Variants in ELMO1 observed in about 807,000 individuals in gnomAD.
ELMO1 encodes the protein engulfment and cell motility 1.
ELMO1 carries 26 observed loss-of-function variants against 98.9 expected under a neutral mutation model. The observed-to-expected ratio is 0.26, with a 90% confidence interval of 0.19 to 0.36. The LOEUF (loss-of-function observed/expected upper bound fraction) is 0.36. Among genes scored for constraint, ELMO1 ranks in the 10% least tolerant of loss-of-function variants. ELMO1 has a pLI of 1.00. For synonymous variants in ELMO1, 346 were observed against 346.0 expected, an observed-to-expected ratio of 1.00 and a Z score of 0.00; for missense variants, 627 against 935.2, an observed-to-expected ratio of 0.67 and a Z score of 4.30.
intron 16 of ELMO1, chr7:36,919,266 G>A (rs1784950425): frequency 2.3e-6 from 1 of 435,748 alleles, no homozygotes; most frequent in Non-Finnish European, 5.0e-6. Flanking sequence ...AATCGTTCAT[G>A]TCTATTACAT....
intron 1 of ELMO1, among the ~76,000 whole-genome samples, chr7:37,425,865 T>C (rs1804675558): frequency 6.6e-6 from 1 of 152,232 alleles, no homozygotes; most frequent in African/African-American, 2.4e-5. Context: ...TCAGGGGATG[T>C]CCTAGGCAGA....
At chr7:37,375,732 C>T (rs542594639) in intron 1 of ELMO1, 3 of 1,227,348 alleles carry the variant, frequency 2.4e-6, no homozygotes, top group South Asian at 2.4e-5. Context: ...TCTACTGGTA[C>T]CTTACCAATG....
intron 1 of ELMO1, among the ~76,000 whole-genome samples, chr7:37,372,023 C>G (rs1802135064): frequency 6.6e-6 from 1 of 152,060 alleles, no homozygotes; most frequent in Non-Finnish European, 1.5e-5. Flanking sequence ...AGGTAAAATC[C>G]TGAAATGACT....
intron 4 of ELMO1, among the ~76,000 whole-genome samples, chr7:37,281,215 T>C (rs1025577983): frequency 8.8e-5 from 13 of 147,984 alleles, no homozygotes; most frequent in Admixed American, 8.2e-4. Flanking sequence ...TACAATGGAC[T>C]GTGGGGACTT....
intron 8 of ELMO1, among the ~76,000 whole-genome samples, chr7:37,228,303 G>A (rs79354223): frequency 0.012 from 1,812 of 152,310 alleles, 24 homozygotes; most frequent in Non-Finnish European, 0.016. Context: ...GAAAACTATA[G>A]ATCTTCATAT....
In ELMO1 at chr7:36,951,447, T is replaced by C. The variant is rs543097053; in HGVS notation, c.1438-56430A>G. ...ACCCTCAGCCTGGAAGGTGCTTTCCTCCACACTTCACATACCTACCTCCTT... is the reference window on the plus strand; with the variant it reads ...ACCCTCAGCCTGGAAGGTGCTTTCCCCCACACTTCACATACCTACCTCCTT... On this transcript the variant is annotated intron_variant, in intron 16 of 21. Coordinates refer to ENST00000310758, the MANE Select transcript of ELMO1 (RefSeq NM_014800.11). Among the ~76,000 whole-genome samples the C allele has an allele frequency of 8.7e-4, 132 of 152,314 alleles. 1 individual carries two copies. The highest frequency in any genetic ancestry group is 3.1e-3 in the African/African-American group (128 of 41,568).
At chr7:37,072,199 T>C (rs1183698276) in intron 15 of ELMO1, among the ~76,000 whole-genome samples, 3 of 152,198 alleles carry the variant, frequency 2.0e-5, no homozygotes, top group Admixed American at 1.3e-4. Flanking sequence ...GGCCCTGATA[T>C]GGTTTGGCTG....
intron 2 of ELMO1, among the ~76,000 whole-genome samples, chr7:37,321,716 C>CAAAAAAAAAAAAAAAAAAAAA (rs565421716): frequency 1.2e-4 from 8 of 66,086 alleles, no homozygotes; most frequent in African/African-American, 3.2e-4. Flanking sequence ...GACTCCGTCT[C>CAAAAAAAAAAAAAAAAAAAAA]AAAAAAAAAA....
At chr7:37,121,346 G>A (rs1234984261) in intron 14 of ELMO1, among the ~76,000 whole-genome samples, 4 of 152,122 alleles carry the variant, frequency 2.6e-5, no homozygotes, top group Non-Finnish European at 5.9e-5. Context: ...GATGAAGGTC[G>A]AACCCATCGC....
At chr7:36,868,349 T>TTC (rs1491437097) in intron 20 of ELMO1, among the ~76,000 whole-genome samples, 1,101 of 24,010 alleles carry the variant, frequency 0.046, 6 homozygotes, top group African/African-American at 0.098. Context: ...CTTCTTCTTC[T>TTC]TTTTTTTTTT....
At chr7:36,918,802 T>A (rs1784909769) in intron 16 of ELMO1, among the ~76,000 whole-genome samples, 1 of 152,246 alleles carries the variant, frequency 6.6e-6, no homozygotes, top group South Asian at 2.1e-4. Flanking sequence ...TGGTACCCCA[T>A]CTGCTCTTCC....
chr7:37,110,891 T>C (rs1418291489), intron 14 of ELMO1, among the ~76,000 whole-genome samples: 2 of 152,176 alleles, frequency 1.3e-5, no homozygotes, highest in African/African-American at 4.8e-5. Context: ...GGTATGGTGG[T>C]GAGCGTAGGG....
At chr7:37,375,851 A>C (rs1488505163) in intron 1 of ELMO1, 47 of 722,202 alleles carry the variant, frequency 6.5e-5, no homozygotes, top group Non-Finnish European at 6.0e-5. Flanking sequence ...AAAGGTCTGG[A>C]GACTGAGCAA....
chr7:37,047,080 C>T (rs1247591848), intron 15 of ELMO1, among the ~76,000 whole-genome samples: 2 of 152,050 alleles, frequency 1.3e-5, no homozygotes, highest in Non-Finnish European at 2.9e-5. Context: ...ACTGTTGTTG[C>T]TTATTTAACT....
chr7:37,133,054 T>TC, intron 14 of ELMO1, 76 bp downstream of exon 14: 2 of 1,083,766 alleles, frequency 1.8e-6, no homozygotes, highest in Non-Finnish European at 2.6e-6. Flanking sequence ...CTAAAGGTAA[T>TC]CCCTCCGTAT....
At chr7:36,901,669 T>C (rs903518014) in intron 16 of ELMO1, among the ~76,000 whole-genome samples, 1 of 152,202 alleles carries the variant, frequency 6.6e-6, no homozygotes, top group Non-Finnish European at 1.5e-5. Context: ...ATCACTCAAC[T>C]TCTCTGAACC....
chr7:36,965,713 T>C (rs1174299127), intron 16 of ELMO1, among the ~76,000 whole-genome samples: 1 of 152,200 alleles, frequency 6.6e-6, no homozygotes, highest in Non-Finnish European at 1.5e-5. Context: ...TCATTACATG[T>C]TGCAGTCCAT....
chr7:37,221,685 G>T (rs1793605199), intron 10 of ELMO1, among the ~76,000 whole-genome samples: 1 of 148,102 alleles, frequency 6.8e-6, no homozygotes, highest in South Asian at 2.1e-4. Flanking sequence ...GTATATTAAG[G>T]GGTTCCTTCC....
chr7:37,166,905 A>C (rs1479129901), intron 13 of ELMO1, among the ~76,000 whole-genome samples: 1 of 151,992 alleles, frequency 6.6e-6, no homozygotes, highest in East Asian at 1.9e-4. Flanking sequence ...TTAACTTTCT[A>C]TCTCGTCGAT....
Sources: allele counts gnomAD v4.1 joint callset (sites outside exome capture counted in the v4.1 genomes callset), GRCh38; gene constraint gnomAD v4.1.1; transcripts MANE v1.5; gene names NCBI Gene and HGNC (gene_info 2026-07-23, HGNC 2026-07-21).